The following MROH7 variants were observed in gnomAD, a reference collection of about 807,000 sequenced individuals.
MROH7 encodes maestro heat-like repeat-containing protein family member 7.
Under a neutral mutation model 129.2 loss-of-function variants are expected in MROH7, and 113 were observed. The ratio of observed to expected loss-of-function variants is 0.87; its 90% CI spans 0.75 to 1.02. The LOEUF is 1.02. MROH7 is among the 50% of genes least tolerant of loss of function. The pLI is 0.00. For missense variants in MROH7, 1,601 were observed against 1,671.3 expected (o/e 0.96, Z 0.73); for synonymous variants, 655 against 667.9 (o/e 0.98, Z 0.30).
At position 54,706,445 on chromosome 1, in the gene MROH7, AC is replaced by A; in HGVS notation, c.3577del (p.Arg1193GlufsTer30). On this transcript the variant is annotated frameshift_variant, in exon 22 of 24. Transcript: ENST00000421030. LOFTEE classifies it high-confidence loss of function. ...TTCTCTTTGTCCTAGGTGAACACCC[AC>A]CGAGACAGCGCCTTCATATTCCTCA... is the stretch of plus-strand genomic sequence containing the variant. ...AKICKCLVNTHRDSAFIFLSQ... is the reference protein window; with the variant it reads ...AKICKCLVNTXRDSAFIFLSQ... The A allele has an allele frequency of 6.2e-7, 1 of 1,613,634 alleles. No homozygotes were observed. Among genetic ancestry groups the A allele is most frequent in the South Asian group, 1.1e-5 (1 of 91,058 alleles).
chr1:54,706,394 C>T, intron 21 of MROH7, 41 bp from the exon 22 acceptor site: 1 of 1,497,234 alleles, frequency 6.7e-7, no homozygotes, highest in African/African-American at 1.4e-5. Flanking sequence ...CAATTGGTTC[C>T]TCTGAGAGGC....
chr1:54,678,084 G>A (rs1021286569), intron 10 of MROH7, among the ~76,000 whole-genome samples: 2 of 152,200 alleles, frequency 1.3e-5, no homozygotes, highest in South Asian at 2.1e-4. Context: ...GGAGCAATGG[G>A]AACTCTCGTG....
At position 54,692,408 on chromosome 1, in the gene MROH7, T is replaced by G. The variant is rs370977669; in HGVS notation, c.2712-16T>G. 7.4e-6 allele frequency: 12 copies of G among 1,613,594 alleles called. No individual in the cohort carries two copies. In the African/African-American group the frequency reaches 1.5e-4, roughly 20 times the overall value. On this transcript the variant is annotated splice_polypyrimidine_tract_variant and intron_variant, in intron 15 of 23. Coordinates refer to ENST00000421030, the MANE Select transcript of MROH7 (RefSeq NM_001039464.4). ...GCCCAGGTAGGCATGAGGTCTTAAT[T>G]GCCTTGTCTTGGCAGCTGGGTGGTG...
chr1:54,700,140 G>T, intron 17 of MROH7, 181 bp from the exon 18 acceptor site: 1 of 794,728 alleles, frequency 1.3e-6, no homozygotes, highest in Non-Finnish European at 2.2e-6. Flanking sequence ...GACACACTCA[G>T]CTTTGCCACA....
intron 22 of MROH7, among the ~76,000 whole-genome samples, chr1:54,708,417 A>AAAACAAAC (rs55969302): frequency 0.32 from 48,457 of 150,550 alleles, 8,308 homozygotes; most frequent in South Asian, 0.47. Context: ...ACACTGTCTA[A>AAAACAAAC]AAACAAACAA....
chr1:54,699,738 A>C, intron 17 of MROH7: 1 of 270,706 alleles, frequency 3.7e-6, no homozygotes. Context: ...CCCCTGTTGG[A>C]TAGGGGAGGC....
intron 3 of MROH7, among the ~76,000 whole-genome samples, chr1:54,657,046 A>G (rs1174034495): frequency 1.5e-5 from 2 of 137,204 alleles, no homozygotes; most frequent in Non-Finnish European, 3.2e-5. Context: ...AATTCTCACC[A>G]TCTTTTTTTT....
intron 10 of MROH7, 87 bp downstream of exon 10, chr1:54,674,238 A>T (rs1644948550): frequency 2.0e-6 from 3 of 1,479,506 alleles, no homozygotes; most frequent in Non-Finnish European, 2.7e-6. Context: ...GAGCCTTGGC[A>T]TTAAGGCACT....
At chr1:54,684,749 A>C (rs1202387974) in intron 14 of MROH7, among the ~76,000 whole-genome samples, 1 of 152,204 alleles carries the variant, frequency 6.6e-6, no homozygotes, top group Non-Finnish European at 1.5e-5. Flanking sequence ...AACCGTGGTC[A>C]ATCACTTCCC....
At chr1:54,658,167 C>T (rs556072443) in intron 3 of MROH7, among the ~76,000 whole-genome samples, 3 of 152,292 alleles carry the variant, frequency 2.0e-5, no homozygotes, top group Non-Finnish European at 4.4e-5. Context: ...ACTCTAGGTA[C>T]CTCATATAAC....
chr1:54,657,745 C>T (rs2101076983), intron 3 of MROH7, among the ~76,000 whole-genome samples: 1 of 151,794 alleles, frequency 6.6e-6, no homozygotes, highest in African/African-American at 2.4e-5. Context: ...CTCACTGCAA[C>T]CTCTGCCTCC....
At chr1:54,678,165 C>G (rs544312571) in intron 10 of MROH7, among the ~76,000 whole-genome samples, 1 of 152,274 alleles carries the variant, frequency 6.6e-6, no homozygotes, top group South Asian at 2.1e-4. Context: ...GTAGCCGAAC[C>G]TATGCTTAGA....
In MROH7 at chr1:54,692,576, C is replaced by T. The variant is rs562558285; in HGVS notation, c.2849+15C>T. 4 of 1,607,406 alleles carry T rather than the reference C, an allele frequency of 2.5e-6. No homozygotes were observed. The highest frequency in any genetic ancestry group is 1.7e-5 in the Admixed American group (1 of 59,864). On this transcript the variant is annotated intron_variant, in intron 16 of 23. Transcript: ENST00000421030. ...TTGCTGGCAAGGTGAGTCCCGGGAC[C>T]ACCTTGGGGTTGGGGTGGGAGGGAG...
chr1:54,705,850 A>T (rs992438999), intron 21 of MROH7, among the ~76,000 whole-genome samples: 3 of 152,118 alleles, frequency 2.0e-5, no homozygotes, highest in Non-Finnish European at 2.9e-5. Context: ...CAGATTTCTC[A>T]TCTTCTCCCT....
chr1:54,688,670 G>C (rs1410684754), intron 15 of MROH7, among the ~76,000 whole-genome samples: 1 of 152,160 alleles, frequency 6.6e-6, no homozygotes, highest in African/African-American at 2.4e-5. Flanking sequence ...GACCAGATAG[G>C]GTCGCATCCC....
chr1:54,693,920 C>A (rs570493954), intron 16 of MROH7, among the ~76,000 whole-genome samples: 1 of 152,200 alleles, frequency 6.6e-6, no homozygotes, highest in East Asian at 1.9e-4. Context: ...CTTGCTCTAT[C>A]GCCCACGCTG....
chr1:54,679,787 T>G (rs1645039872), intron 12 of MROH7, 104 bp from the exon 13 acceptor site: 2 of 1,153,850 alleles, frequency 1.7e-6, no homozygotes, highest in Non-Finnish European at 1.2e-6. Context: ...CCTTCTCCCC[T>G]GTCCTCTAGC....
chr1:54,686,042 C>T (rs951808173), intron 14 of MROH7, among the ~76,000 whole-genome samples: 1 of 151,990 alleles, frequency 6.6e-6, no homozygotes, highest in Non-Finnish European at 1.5e-5. Context: ...TGGACCAAAA[C>T]TAAGGGGTGG....
At chr1:54,682,833 C>T (rs773957544) in intron 14 of MROH7, 39 bp downstream of exon 14, 2 of 1,594,162 alleles carry the variant, frequency 1.3e-6, no homozygotes, top group East Asian at 4.5e-5. Flanking sequence ...GCTGCCTGTC[C>T]TGCCCTTCCT....
Sources: gnomAD v4.1 joint callset for allele counts (sites outside exome capture counted in the v4.1 genomes callset) on GRCh38, gnomAD v4.1.1 for gene constraint, MANE v1.5 for transcripts, NCBI Gene and HGNC (gene_info 2026-07-23, HGNC 2026-07-21) for gene names.